Variants in OR52H1 observed in about 807,000 individuals in gnomAD.
OR52H1 encodes olfactory receptor 52H1.
For missense variants in OR52H1, 383 were observed against 396.4 expected (o/e 0.97, Z 0.29); for synonymous variants, 148 against 138.6 (o/e 1.07, Z -0.48).
chr11:5,548,457 C>T lies in OR52H1; in HGVS notation c.-36G>A, dbSNP rs1052830538. On this transcript the variant is annotated 5_prime_UTR_variant, in exon 1 of 2. Transcript: ENST00000322653. ...TTCAAACAGCCAATACTCACCAAAT[C>T]TTGGGGATCAGGCCAAAGGGAAAGA... 1 of 152,048 alleles carries T rather than the reference C, an allele frequency of 6.6e-6. No homozygotes were observed. Among genetic ancestry groups the T allele is most frequent in the Non-Finnish European group, 1.5e-5 (1 of 68,046 alleles). The allele number at this position is 152,048 out of a possible 1,614,324, so 9.4% of individuals were successfully genotyped here. A position where few individuals can be genotyped will look rare whatever the true frequency, so the allele number is the denominator to read the frequency against.
intron 1 of OR52H1, among the ~76,000 whole-genome samples, chr11:5,546,632 G>A (rs1846860179): frequency 6.6e-6 from 1 of 152,148 alleles, no homozygotes; most frequent in Admixed American, 6.5e-5. Flanking sequence ...ACAACTCACA[G>A]CACTCCCAAC....
rs1324644683 is a variant in OR52H1 at position 5,547,614 on chromosome 11, AATT to A, written c.-31+835_-31+837del. ...AGAAATTAATATTTCTAATTTTTATAATTATTATTAGGACAAAATGATACACAT... is the reference window on the plus strand; with the variant it reads ...AGAAATTAATATTTCTAATTTTTATAATTATTAGGACAAAATGATACACAT... On this transcript the variant is annotated intron_variant, in intron 1 of 1. Coordinates refer to ENST00000322653, the MANE Select transcript of OR52H1 (RefSeq NM_001005289.5). Among the ~76,000 whole-genome samples, 6 of 151,838 alleles carry A rather than the reference AATT, an allele frequency of 4.0e-5. No homozygotes were observed. The East Asian group carries it at 1.2e-3, about 30-fold the overall frequency.
chr11:5,547,554 AAAC>A (rs10556501), intron 1 of OR52H1, among the ~76,000 whole-genome samples: 48,254 of 151,924 alleles, frequency 0.32, 9,823 homozygotes, highest in East Asian at 0.85. Flanking sequence ...CAAGCTATTT[AAAC>A]TACATGATAT....
At position 5,545,241 on chromosome 11, in the gene OR52H1, G is replaced by A; in HGVS notation, c.265C>T (p.Leu89=). 1 of 1,614,180 alleles carries A rather than the reference G, an allele frequency of 6.2e-7. No homozygotes were observed. Among genetic ancestry groups the A allele is most frequent in the Non-Finnish European group, 8.5e-7 (1 of 1,180,026 alleles). The change falls in exon 2 of 2, where the codon CTA becomes TTA. Residue 89 remains leucine, a synonymous_variant. Transcript: ENST00000322653. ...GGGAATGTGATTTCGCGAGCCCCTAGCCAAAAGATACTGAGTGCTTTAGGC... is the reference window on the plus strand; with the variant it reads ...GGGAATGTGATTTCGCGAGCCCCTAACCAAAAGATACTGAGTGCTTTAGGC... The part of the protein sequence containing the change: ...GVPKALSIFW[L]GAREITFPGC...
In OR52H1 at chr11:5,544,921, G is replaced by T. The variant is rs375891532; in HGVS notation, c.585C>A (p.Ser195=). ...GVAQLACADI[S]INFWYGFCVP... The stretch of plus-strand genomic sequence containing the variant: ...CACAAAAGCCATACCAGAAGTTGAT[G>T]GAGATATCAGCACAGGCGAGCTGGG... Residue 195 remains serine, a synonymous_variant, in exon 2 of 2, where the codon TCC becomes TCA. Transcript: ENST00000322653. The T allele has an allele frequency of 1.2e-6, 2 of 1,614,136 alleles. No individual in the cohort carries two copies. Among genetic ancestry groups the T allele is most frequent in the Non-Finnish European group, 1.7e-6 (2 of 1,180,026 alleles).
At chr11:5,545,643 C>A in intron 1 of OR52H1, 108 bp from the exon 2 acceptor site, 3 of 1,108,040 alleles carry the variant, frequency 2.7e-6, no homozygotes, top group South Asian at 1.6e-5. Context: ...AATTTGTCAT[C>A]CAAAATAGAA....
chr11:5,547,390 A>AATTATGGT (rs1846869396), intron 1 of OR52H1, among the ~76,000 whole-genome samples: 1 of 152,212 alleles, frequency 6.6e-6, no homozygotes, highest in Non-Finnish European at 1.5e-5. Flanking sequence ...TATCAGCAAT[A>AATTATGGT]ATTATGGTAT....
At position 5,545,183 on chromosome 11, in the gene OR52H1, T is replaced by C. The variant is rs574263550; in HGVS notation, c.323A>G (p.Tyr108Cys). 36 of 1,614,110 alleles carry C rather than the reference T, an allele frequency of 2.2e-5. No homozygotes were observed. Among genetic ancestry groups the C allele is most frequent in the African/African-American group, 4.0e-5 (3 of 75,024 alleles). The change falls in exon 2 of 2, where the codon TAT (tyrosine) becomes TGT (cysteine). Residue 108 changes from tyrosine (Y) to cysteine (C), a missense_variant. Coordinates refer to ENST00000322653, the MANE Select transcript of OR52H1 (RefSeq NM_001005289.5). ...GCLTQMFFLH[Y>C]NFVLDSAILM... Reference sequence around the variant, plus strand: ...AATGGCTGAATCCAGGACAAAGTTATAGTGAAGGAAGAACATTTGTGTAAG... The same window carrying C: ...AATGGCTGAATCCAGGACAAAGTTACAGTGAAGGAAGAACATTTGTGTAAG...
At chr11:5,548,271 TA>T (rs5789406) in intron 1 of OR52H1, among the ~76,000 whole-genome samples, 180 bp downstream of exon 1, 58,154 of 152,028 alleles carry the variant, frequency 0.38, 12,917 homozygotes, top group East Asian at 0.86. Context: ...TTTTGATGCT[TA>T]ACTCAGTGGA....
At chr11:5,546,594 T>A (rs919589202) in intron 1 of OR52H1, among the ~76,000 whole-genome samples, 2 of 152,216 alleles carry the variant, frequency 1.3e-5, no homozygotes, top group African/African-American at 4.8e-5. Flanking sequence ...ACTGGTCCTA[T>A]ACCTTCTTCC....
intron 1 of OR52H1, among the ~76,000 whole-genome samples, chr11:5,547,870 C>T (rs1846873888): frequency 6.6e-6 from 1 of 152,178 alleles, no homozygotes; most frequent in Non-Finnish European, 1.5e-5. Context: ...TGGTCTTGAA[C>T]TCCTGACCTT....
chr11:5,545,914 C>G (rs766859887), intron 1 of OR52H1, among the ~76,000 whole-genome samples: 25 of 152,144 alleles, frequency 1.6e-4, no homozygotes, highest in Non-Finnish European at 3.4e-4. Flanking sequence ...CTCATATGAC[C>G]TTATGGACAT....
Position 5,545,058 on chromosome 11 carries a change from T to A in OR52H1, c.448A>T (p.Ile150Phe). Residue 150 changes from isoleucine (I) to phenylalanine (F), a missense_variant, in exon 2 of 2, where the codon ATC (isoleucine) becomes TTC (phenylalanine). Transcript: ENST00000322653. ...PKTIIKSAMG[I>F]SFRSFCIILP... is the part of the protein sequence containing the mutation. ...ATGATGCAGAAGCTTCGAAAGGAGA[T>A]GCCCATAGCACTCTTGATGATGGTC... 1 of 1,614,138 alleles carries A rather than the reference T, an allele frequency of 6.2e-7. No individual in the cohort carries two copies. The highest frequency in any genetic ancestry group is 8.5e-7 in the Non-Finnish European group (1 of 1,180,018).
Position 5,545,202 on chromosome 11 carries a change from G to C in OR52H1, c.304C>G (p.Gln102Glu), listed in dbSNP as rs1846835106. 2 of 1,614,056 alleles carry C rather than the reference G, an allele frequency of 1.2e-6. No individual in the cohort carries two copies. The highest frequency in any genetic ancestry group is 1.7e-6 in the Non-Finnish European group (2 of 1,180,032). ...AAGTTATAGTGAAGGAAGAACATTT[G>C]TGTAAGGCATCCTGGGAATGTGATT... ...REITFPGCLT[Q>E]MFFLHYNFVL... The change falls in exon 2 of 2, where the codon CAA becomes GAA. Residue 102 changes from glutamine (Q) to glutamate (E), a missense_variant. Gln to Glu is a conservative substitution (Grantham distance 29). Transcript: ENST00000322653.
chr11:5,544,981 G>T lies in OR52H1; in HGVS notation c.525C>A (p.Ile175=). ...LTCLPFCRTR[I]IPHTYCEHIG... ...TATGCTCACAGTATGTGTGGGGTAT[G>T]ATGCGTGTCCTGCAGAAAGGCAGGC... The change falls in exon 2 of 2, where the codon ATC becomes ATA. Residue 175 remains isoleucine, a synonymous_variant. Coordinates refer to ENST00000322653, the MANE Select transcript of OR52H1 (RefSeq NM_001005289.5). 1.9e-6 allele frequency: 3 copies of T among 1,614,218 alleles called. No homozygotes were observed. The highest frequency in any genetic ancestry group is 2.5e-6 in the Non-Finnish European group (3 of 1,180,042).
chr11:5,547,625 G>A (rs1431221374), intron 1 of OR52H1, among the ~76,000 whole-genome samples: 1 of 151,042 alleles, frequency 6.6e-6, no homozygotes, highest in Non-Finnish European at 1.5e-5. Context: ...ATTATTATTA[G>A]GACAAAATGA....
At chr11:5,545,591 ACT>A in intron 1 of OR52H1, 56 bp from the exon 2 acceptor site, 1 of 1,454,436 alleles carries the variant, frequency 6.9e-7, no homozygotes, top group Non-Finnish European at 9.3e-7. Context: ...CAAACTTTCA[ACT>A]AATTATAATT....
rs1220476275 is a variant in OR52H1 at position 5,545,315 on chromosome 11, A to G, written c.191T>C (p.Phe64Ser). 2 of 1,614,156 alleles carry G rather than the reference A, an allele frequency of 1.2e-6. No individual in the cohort carries two copies. The highest frequency in any genetic ancestry group is 1.6e-4 in the Middle Eastern group (1 of 6,062). The change falls in exon 2 of 2, where the codon TTT (phenylalanine) becomes TCT (serine). Residue 64 changes from phenylalanine (F) to serine (S), a missense_variant. Physicochemically the swap from Phe to Ser is radical, Grantham distance 155. Transcript: ENST00000322653. ...EHSLHEPMFF[F>S]LSMLAMTDLI... Reference sequence around the variant, plus strand: ...GTCAGTCATGGCCAGCATGGAGAGAAAGAAGAACATGGGTTCATGAAGACT... The same window carrying G: ...GTCAGTCATGGCCAGCATGGAGAGAGAGAAGAACATGGGTTCATGAAGACT...
At position 5,545,449 on chromosome 11, in the gene OR52H1, G is replaced by T. The variant is rs748945837; in HGVS notation, c.57C>A (p.Ile19=). The T allele has an allele frequency of 6.2e-7, 1 of 1,614,156 alleles. No homozygotes were observed. The highest frequency in any genetic ancestry group is 8.5e-7 in the Non-Finnish European group (1 of 1,179,998). ...ACACATGGAATTGCTCCAGGCCTGG[G>T]ATCCCTACCAGAATGAAGGGTCCTG... ...YNPGPFILVG[I]PGLEQFHVWI... is the part of the protein sequence containing the mutation. Residue 19 remains isoleucine (I), a synonymous_variant, in exon 2 of 2, where the codon ATC becomes ATA. Coordinates refer to ENST00000322653, the MANE Select transcript of OR52H1 (RefSeq NM_001005289.5).
Sources: allele counts gnomAD v4.1 joint callset (sites outside exome capture counted in the v4.1 genomes callset), GRCh38; gene constraint gnomAD v4.1.1; transcripts MANE v1.5; gene names NCBI Gene and HGNC (gene_info 2026-07-23, HGNC 2026-07-21).